Variants in CBLN1 observed in about 807,000 individuals in gnomAD.
CBLN1 encodes cerebellin 1 precursor, also known as cerebellin-1.
A neutral mutation model predicts 15.9 loss-of-function variants in CBLN1; 5 were observed. The ratio of observed to expected loss-of-function variants is 0.31; its 90% CI spans 0.16 to 0.66. CBLN1 has a LOEUF of 0.66. Ranked by LOEUF, CBLN1 falls within the 30% of genes least tolerant of loss-of-function variation. The pLI, the probability that CBLN1 is intolerant of heterozygous loss-of-function variation, is 0.75. For missense variants in CBLN1, 164 were observed against 253.7 expected (o/e 0.65, Z 2.40); for synonymous variants, 90 against 107.6 (o/e 0.84, Z 1.01).
In CBLN1 at chr16:49,279,302, G is replaced by T; in HGVS notation, c.*102C>A. The T allele has an allele frequency of 9.2e-7, 1 of 1,081,936 alleles. No individual in the cohort carries two copies. The highest frequency in any genetic ancestry group is 1.4e-6 in the Non-Finnish European group (1 of 721,526). 67.0% of individuals were successfully genotyped at this position (1,081,936 alleles called of 1,614,324 possible). A position where few individuals can be genotyped will look rare whatever the true frequency, so the allele number is the denominator to read the frequency against. ...GATACAGTTAGAGAACATGTAGGAA[G>T]TTTCAAGTCGTGCTGCTTTCTCGCC... On this transcript the variant is annotated 3_prime_UTR_variant, in exon 3 of 3. Coordinates refer to ENST00000219197, the MANE Select transcript of CBLN1 (RefSeq NM_004352.4).
At position 49,281,344 on chromosome 16, in the gene CBLN1, T is replaced by C; in HGVS notation, c.122A>G (p.Asn41Ser). 6.2e-7 allele frequency: 1 copy of C among 1,612,110 alleles called. No individual in the cohort carries two copies. The highest frequency in any genetic ancestry group is 8.5e-7 in the Non-Finnish European group (1 of 1,179,980). Residue 41 changes from asparagine (N) to serine (S), a missense_variant, in exon 1 of 3, where the codon AAC (asparagine) becomes AGC (serine). Asn to Ser is a conservative substitution (Grantham distance 46). Transcript: ENST00000219197. ...EGKCLVVCDS[N>S]PTSDPTGTAL... ...AGTGCCCGTGGGGTCGGACGTGGGG[T>C]TGGAGTCGCACACCACCAGGCACTT... is the stretch of plus-strand genomic sequence containing the variant.
At chr16:49,279,685 C>T in intron 2 of CBLN1, 84 bp from the exon 3 acceptor site, 1 of 837,166 alleles carries the variant, frequency 1.2e-6, no homozygotes, top group South Asian at 1.4e-5. Flanking sequence ...CCTTGCTTGG[C>T]TAACAGCCTG....
rs1567332453 is a variant in CBLN1, at chr16:49,278,229, G to A, written c.*1175C>T. On this transcript the variant is annotated 3_prime_UTR_variant, in exon 3 of 3. Coordinates refer to ENST00000219197, the MANE Select transcript of CBLN1 (RefSeq NM_004352.4). ...ATTCCTGATGCATTTGGAATGCAAA[G>A]AAAAAAATCAAACTTCGCTCCTGGG... 6.6e-6 allele frequency: 1 copy of A among 152,200 alleles called. No homozygotes were observed. The highest frequency in any genetic ancestry group is 1.5e-5 in the Non-Finnish European group (1 of 68,030). The allele number at this position is 152,200 out of a possible 1,614,324, so 9.4% of individuals were successfully genotyped here.
intron 2 of CBLN1, among the ~76,000 whole-genome samples, chr16:49,280,637 G>A (rs912785709): frequency 6.6e-6 from 1 of 152,150 alleles, no homozygotes; most frequent in Non-Finnish European, 1.5e-5. Flanking sequence ...AACAACAGCC[G>A]TTACAAGGAA....
In CBLN1 at chr16:49,281,764, C is replaced by G. The variant is rs1348885524; in HGVS notation, c.-299G>C. 2 of 329,554 alleles carry G rather than the reference C, an allele frequency of 6.1e-6. No individual in the cohort carries two copies. The highest frequency in any genetic ancestry group is 1.1e-5 in the Non-Finnish European group (2 of 182,722). The allele number at this position is 329,554 out of a possible 1,614,324, so 20.4% of individuals were successfully genotyped here. A position where few individuals can be genotyped will look rare whatever the true frequency, so the allele number is the denominator to read the frequency against. On this transcript the variant is annotated 5_prime_UTR_variant, in exon 1 of 3. Coordinates refer to ENST00000219197, the MANE Select transcript of CBLN1 (RefSeq NM_004352.4). ...CCCGCTGCTGCCGCCGCCTCCTGCC[C>G]GCACCCGCCGCTGCCGCCGCCGCCG...
chr16:49,280,592 G>A (rs528201027), intron 2 of CBLN1, among the ~76,000 whole-genome samples: 30 of 152,264 alleles, frequency 2.0e-4, no homozygotes, highest in African/African-American at 6.3e-4. Context: ...GGGGAGTCCG[G>A]GAAGGCTTCC....
In CBLN1 at chr16:49,281,565, T is replaced by TGCGCAGCTCCGC; in HGVS notation, c.-112_-101dup. The TGCGCAGCTCCGC allele has an allele frequency of 1.3e-6, 1 of 772,818 alleles. No individual in the cohort carries two copies. Among genetic ancestry groups the TGCGCAGCTCCGC allele is most frequent in the Admixed American group, 4.6e-5 (1 of 21,740 alleles). The allele number at this position is 772,818 out of a possible 1,614,324, so 47.9% of individuals were successfully genotyped here. A position where few individuals can be genotyped will look rare whatever the true frequency, so the allele number is the denominator to read the frequency against. On this transcript the variant is annotated 5_prime_UTR_variant, in exon 1 of 3. Transcript: ENST00000219197. ...CTCCGAAGCCCCCTCCTCAGCTCCG[T>TGCGCAGCTCCGC]GCGCAGCTCCGCCGCCGCCGCTCTG...
chr16:49,279,898 C>T (rs545432244), intron 2 of CBLN1, among the ~76,000 whole-genome samples: 10 of 152,262 alleles, frequency 6.6e-5, no homozygotes, highest in African/African-American at 2.4e-4. Context: ...CTCTGTGATC[C>T]AATTTAATAA....
Position 49,281,324 on chromosome 16 carries a change from C to A in CBLN1, c.142G>T (p.Gly48Cys). The A allele has an allele frequency of 6.2e-7, 1 of 1,613,312 alleles. No homozygotes were observed. The highest frequency in any genetic ancestry group is 8.5e-7 in the Non-Finnish European group (1 of 1,180,014). ...CGCACAGAGATGCCCAGGGCAGTGC[C>A]CGTGGGGTCGGACGTGGGGTTGGAG... ...CDSNPTSDPTGTALGISVRSG... is the reference protein window; with the variant it reads ...CDSNPTSDPTCTALGISVRSG... The change falls in exon 1 of 3, where the codon GGC becomes TGC. Residue 48 changes from glycine (G) to cysteine (C), a missense_variant. By Grantham distance (159) the Gly-to-Cys change is radical. This residue lies in a region of CBLN1 where 127 missense variants were observed against 179.7 expected (regional missense o/e 0.71). Transcript: ENST00000219197.
intron 2 of CBLN1, among the ~76,000 whole-genome samples, chr16:49,279,881 G>A (rs1025009377): frequency 6.6e-6 from 1 of 152,104 alleles, no homozygotes; most frequent in Non-Finnish European, 1.5e-5. Flanking sequence ...AGCGAATCTC[G>A]ACTGTGCTCT....
intron 2 of CBLN1, among the ~76,000 whole-genome samples, chr16:49,280,182 C>T (rs915673141): frequency 4.6e-5 from 7 of 152,176 alleles, no homozygotes; most frequent in African/African-American, 1.7e-4. Flanking sequence ...ATTCCCTCCC[C>T]CATCCAGCCG....
intron 2 of CBLN1, among the ~76,000 whole-genome samples, 160 bp downstream of exon 2, chr16:49,280,763 G>T (rs1474955110): frequency 6.6e-6 from 1 of 152,212 alleles, no homozygotes. Flanking sequence ...GCAGAGGACA[G>T]TTGAAGCCAC....
chr16:49,281,055 G>A lies in CBLN1; in HGVS notation c.265-13C>T. ...TGTTCACTAGTACCTATAACGAGACGGGAACGAAGGGGAGTGGGCAGGAAT... is the reference window on the plus strand; with the variant it reads ...TGTTCACTAGTACCTATAACGAGACAGGAACGAAGGGGAGTGGGCAGGAAT... On this transcript the variant is annotated splice_polypyrimidine_tract_variant and intron_variant, in intron 1 of 2. Coordinates refer to ENST00000219197, the MANE Select transcript of CBLN1 (RefSeq NM_004352.4). 6.2e-7 allele frequency: 1 copy of A among 1,614,234 alleles called. No homozygotes were observed. Among genetic ancestry groups the A allele is most frequent in the Non-Finnish European group, 8.5e-7 (1 of 1,180,040 alleles).
At position 49,280,907 on chromosome 16, in the gene CBLN1, C is replaced by T; in HGVS notation, c.384+16G>A. The T allele has an allele frequency of 6.2e-7, 1 of 1,614,158 alleles. No homozygotes were observed. The highest frequency in any genetic ancestry group is 8.5e-7 in the Non-Finnish European group (1 of 1,179,996). Reference sequence around the variant, plus strand: ...CCCCCTACGGGGCCAGGGCCCGGCACGAGGCGTCGGCTGACCTGTATGGTT... The same window carrying T: ...CCCCCTACGGGGCCAGGGCCCGGCATGAGGCGTCGGCTGACCTGTATGGTT... On this transcript the variant is annotated intron_variant, in intron 2 of 2. Transcript: ENST00000219197.
At chr16:49,280,232 T>G (rs1177964748) in intron 2 of CBLN1, among the ~76,000 whole-genome samples, 3 of 152,078 alleles carry the variant, frequency 2.0e-5, no homozygotes, top group Non-Finnish European at 4.4e-5. Context: ...GGTGGCACCG[T>G]CAGCCAAGGG....
At chr16:49,280,192 G>C (rs1963246309) in intron 2 of CBLN1, among the ~76,000 whole-genome samples, 1 of 152,106 alleles carries the variant, frequency 6.6e-6, no homozygotes, top group South Asian at 2.1e-4. Flanking sequence ...CCATCCAGCC[G>C]CGCCCGCCAC....
chr16:49,278,014 G>C lies in CBLN1; in HGVS notation c.*1390C>G, dbSNP rs367582294. On this transcript the variant is annotated 3_prime_UTR_variant, in exon 3 of 3. Transcript: ENST00000219197. ...GGACGAACCTCTTGAATAAAGTCCT[G>C]TGAATGAGCGGAATCATAGGTCCTG... 1.3e-5 allele frequency: 2 copies of C among 152,338 alleles called. No homozygotes were observed. Among genetic ancestry groups the C allele is most frequent in the East Asian group, 3.9e-4 (2 of 5,186 alleles). The allele number at this position is 152,338 out of a possible 1,614,324, so 9.4% of individuals were successfully genotyped here. A position where few individuals can be genotyped will look rare whatever the true frequency, so the allele number is the denominator to read the frequency against.
chr16:49,280,934 G>T lies in CBLN1; in HGVS notation c.373C>A (p.Gln125Lys), dbSNP rs1596799991. The T allele has an allele frequency of 1.2e-6, 2 of 1,614,264 alleles. No individual in the cohort carries two copies. Among genetic ancestry groups the T allele is most frequent in the Non-Finnish European group, 1.7e-6 (2 of 1,180,036 alleles). Residue 125 changes from glutamine to lysine, a missense_variant, in exon 2 of 3, where the codon CAA becomes AAA. This residue lies in a region of CBLN1 where 127 missense variants were observed against 179.7 expected (regional missense o/e 0.71). Transcript: ENST00000219197. ...NFHVVKVYNR[Q>K]TIQVSLMLNG... Reference sequence around the variant, plus strand: ...AGGCGTCGGCTGACCTGTATGGTTTGTCTGTTGTAGACTTTTACCACGTGG... The same window carrying T: ...AGGCGTCGGCTGACCTGTATGGTTTTTCTGTTGTAGACTTTTACCACGTGG...
chr16:49,280,283 G>C lies in CBLN1; in HGVS notation c.384+640C>G, dbSNP rs573395055. Among the ~76,000 whole-genome samples the C allele has an allele frequency of 2.5e-4, 38 of 152,332 alleles. No homozygotes were observed. The East Asian group carries it at 5.8e-3, about 23-fold the overall frequency. On this transcript the variant is annotated intron_variant, in intron 2 of 2. Coordinates refer to ENST00000219197, the MANE Select transcript of CBLN1 (RefSeq NM_004352.4). ...CCAGCTGTGCGTCCCACCTCTCTCG[G>C]CGCCCAAGGGAAACCTGGACATCTT...
Sources: gnomAD v4.1 joint callset for allele counts (sites outside exome capture counted in the v4.1 genomes callset) on GRCh38, gnomAD v4.1.1 for gene constraint, gnomAD v4.1.1 regional missense constraint, MANE v1.5 for transcripts, NCBI Gene and HGNC (gene_info 2026-07-23, HGNC 2026-07-21) for gene names.